Variants in EPHA3 observed in about 807,000 individuals in gnomAD.
EPHA3 encodes the protein EPH receptor A3.
In EPHA3, 42 loss-of-function variants were observed where a neutral mutation model predicts 107.1. The observed-to-expected ratio is 0.39, with a 90% CI of 0.31 to 0.51. The LOEUF is 0.51. Among genes scored for constraint, EPHA3 ranks in the 20% least tolerant of loss-of-function variants. The pLI is 0.78. For missense variants in EPHA3, 1,183 were observed against 1,211.2 expected (o/e 0.98, Z 0.35); for synonymous variants, 461 against 424.8 (o/e 1.09, Z -1.05).
At chr3:89,363,679 TGC>T (rs1559665436) in intron 5 of EPHA3, among the ~76,000 whole-genome samples, 1 of 149,940 alleles carries the variant, frequency 6.7e-6, no homozygotes, top group Non-Finnish European at 1.5e-5. Flanking sequence ...GTGGTGTGTG[TGC>T]GTGTGTGTGT....
At chr3:89,291,845 C>T (rs534654836) in intron 3 of EPHA3, among the ~76,000 whole-genome samples, 63 of 152,282 alleles carry the variant, frequency 4.1e-4, no homozygotes, top group African/African-American at 1.5e-3. Context: ...ATGTCTACTT[C>T]TTCAACAAAC....
At chr3:89,217,527 C>T (rs771686942) in intron 3 of EPHA3, among the ~76,000 whole-genome samples, 15 of 152,122 alleles carry the variant, frequency 9.9e-5, no homozygotes, top group East Asian at 3.9e-4. Flanking sequence ...GACATCTAAT[C>T]GCAGATTCAT....
chr3:89,270,171 AT>A (rs1705634360), intron 3 of EPHA3, among the ~76,000 whole-genome samples: 1 of 152,218 alleles, frequency 6.6e-6, no homozygotes, highest in Admixed American at 6.5e-5. Context: ...CATTAATTTA[AT>A]GTATTAAGGC....
At chr3:89,417,484 A>G (rs1709271640) in intron 10 of EPHA3, among the ~76,000 whole-genome samples, 1 of 151,530 alleles carries the variant, frequency 6.6e-6, no homozygotes, top group South Asian at 2.1e-4. Context: ...AGTGAAACAA[A>G]GTAAATGGGA....
At chr3:89,453,598 C>T (rs574691139) in intron 15 of EPHA3, among the ~76,000 whole-genome samples, 2 of 152,116 alleles carry the variant, frequency 1.3e-5, no homozygotes, top group Non-Finnish European at 2.9e-5. Flanking sequence ...CATTAAAATG[C>T]ACGATGGGTT....
rs1244157894 is a variant in EPHA3 at position 89,136,355 on chromosome 3, G to C, written c.153+9082G>C. Among the ~76,000 whole-genome samples the C allele has an allele frequency of 7.5e-4, 4 of 5,326 alleles. 1 individual carries two copies. The highest frequency in any genetic ancestry group is 1.2e-3 in the Non-Finnish European group (3 of 2,498). 3.5% of individuals were successfully genotyped at this position (5,326 alleles called of 152,430 possible). A position where few individuals can be genotyped will look rare whatever the true frequency, so the allele number is the denominator to read the frequency against. ...CTTTTTTTTTTTTTTTTTTTTTTTT[G>C]ACCCTTTCCTTGAAACAAAATGCAC... On this transcript the variant is annotated intron_variant, in intron 2 of 16. Coordinates refer to ENST00000336596, the MANE Select transcript of EPHA3 (RefSeq NM_005233.6).
Position 89,480,542 on chromosome 3 carries a change from G to T in EPHA3, c.*1040G>T. On this transcript the variant is annotated 3_prime_UTR_variant, in exon 17 of 17. Transcript: ENST00000336596. The stretch of plus-strand genomic sequence containing the variant: ...AGCCGTGTTAGAGCTTCCGAGAATA[G>T]CTCCACTGGAGAGAAGTGGAATCCT... 4.3e-6 allele frequency: 1 copy of T among 233,058 alleles called. No individual in the cohort carries two copies. The highest frequency in any genetic ancestry group is 8.5e-6 in the Non-Finnish European group (1 of 117,712). 14.4% of individuals were successfully genotyped at this position (233,058 alleles called of 1,614,324 possible).
intron 3 of EPHA3, among the ~76,000 whole-genome samples, chr3:89,237,195 C>A (rs1335717316): frequency 1.3e-5 from 2 of 152,158 alleles, no homozygotes; most frequent in African/African-American, 2.4e-5. Flanking sequence ...CAGGGCAAAA[C>A]CCTGTCTCTA....
chr3:89,405,034 A>T (rs147791264), intron 7 of EPHA3, among the ~76,000 whole-genome samples: 155 of 152,330 alleles, frequency 1.0e-3, no homozygotes, highest in African/African-American at 3.5e-3. Context: ...GGAGGAAGAT[A>T]CAAAGATGAA....
chr3:89,323,737 A>T (rs1206373673), intron 3 of EPHA3, among the ~76,000 whole-genome samples: 1 of 152,094 alleles, frequency 6.6e-6, no homozygotes, highest in Non-Finnish European at 1.5e-5. Flanking sequence ...CTCAGTAAAG[A>T]TAGTTTATTT....
rs188212781 is a variant in EPHA3 at position 89,454,322 on chromosome 3, C to T, written c.2690+3952C>T. ...ATTCTGAAAATTTATCAATTTTCTC[C>T]CCCTAGCCTGATCCTTCCACTGCCT... On this transcript the variant is annotated intron_variant, in intron 15 of 16. Transcript: ENST00000336596. Among the ~76,000 whole-genome samples the T allele has an allele frequency of 9.8e-4, 149 of 152,156 alleles. 2 individuals are homozygous for T. In the Middle Eastern group the frequency reaches 0.038, roughly 38 times the overall value.
intron 5 of EPHA3, among the ~76,000 whole-genome samples, chr3:89,389,671 A>G (rs1260171301): frequency 6.6e-6 from 1 of 152,192 alleles, no homozygotes; most frequent in African/African-American, 2.4e-5. Flanking sequence ...GCAAATATAG[A>G]TTTTAAAACA....
intron 3 of EPHA3, among the ~76,000 whole-genome samples, chr3:89,227,154 AT>A (rs912377710): frequency 9.2e-5 from 14 of 152,170 alleles, no homozygotes; most frequent in Admixed American, 7.2e-4. Flanking sequence ...GTGTATTCAT[AT>A]TTTTATATGT....
chr3:89,370,545 AT>A (rs1445491489), intron 5 of EPHA3, among the ~76,000 whole-genome samples: 1 of 151,944 alleles, frequency 6.6e-6, no homozygotes, highest in Non-Finnish European at 1.5e-5. Context: ...ATTAGGAGAT[AT>A]ACTTAATGCT....
chr3:89,391,778 A>G (rs115132585), intron 5 of EPHA3, among the ~76,000 whole-genome samples: 2,432 of 152,074 alleles, frequency 0.016, 68 homozygotes, highest in African/African-American at 0.055. Context: ...TATAATCAAT[A>G]CCACTTTACA....
At chr3:89,315,878 C>G (rs777473128) in intron 3 of EPHA3, among the ~76,000 whole-genome samples, 1 of 151,762 alleles carries the variant, frequency 6.6e-6, no homozygotes, top group Non-Finnish European at 1.5e-5. Flanking sequence ...GGACCTGGAT[C>G]CCCTGAATCA....
rs1707621691 is a variant in EPHA3, at chr3:89,345,428, A to G, written c.1306+3338A>G. The stretch of plus-strand genomic sequence containing the variant: ...TGGATTCATTCACATGTGTGAAAAT[A>G]TTGCAATAGTGTGCATTATGCCTAT... On this transcript the variant is annotated intron_variant, in intron 5 of 16. Coordinates refer to ENST00000336596, the MANE Select transcript of EPHA3 (RefSeq NM_005233.6). Among the ~76,000 whole-genome samples the G allele has an allele frequency of 1.3e-5, 2 of 151,224 alleles. 1 individual carries two copies. The highest frequency in any genetic ancestry group is 4.8e-5 in the African/African-American group (2 of 41,364).
chr3:89,164,438 A>G (rs1705018891), intron 2 of EPHA3, among the ~76,000 whole-genome samples: 1 of 152,172 alleles, frequency 6.6e-6, no homozygotes, highest in African/African-American at 2.4e-5. Context: ...AGTGTATGCT[A>G]TTGCTGGGAT....
chr3:89,217,412 AC>A (rs1398717487), intron 3 of EPHA3, among the ~76,000 whole-genome samples: 1 of 151,864 alleles, frequency 6.6e-6, no homozygotes, highest in Non-Finnish European at 1.5e-5. Flanking sequence ...AAAAACAAAA[AC>A]AAAAACAAAA....
Sources: allele counts gnomAD v4.1 joint callset (sites outside exome capture counted in the v4.1 genomes callset), GRCh38; gene constraint gnomAD v4.1.1; transcripts MANE v1.5; gene names NCBI Gene and HGNC (gene_info 2026-07-23, HGNC 2026-07-21).